Variants in ROBO2 observed in about 807,000 individuals in gnomAD.
The protein encoded by ROBO2 is roundabout homolog 2.
A neutral mutation model predicts 160.8 loss-of-function variants in ROBO2; 53 were observed. The ratio of observed to expected loss-of-function variants is 0.33; its 90% CI spans 0.26 to 0.41. The LOEUF is 0.41. Among genes scored for constraint, ROBO2 ranks in the 10% least tolerant of loss-of-function variants. The pLI is 1.00. For synonymous variants in ROBO2, 664 were observed against 611.7 expected, an observed-to-expected ratio of 1.09 and a Z score of -1.26; for missense variants, 1,577 against 1,722.4, an observed-to-expected ratio of 0.92 and a Z score of 1.49.
rs2151092447 is a variant in ROBO2, at chr3:77,210,651, A to G, written c.388+112311A>G. Among the ~76,000 whole-genome samples, 2 of 152,270 alleles carry G rather than the reference A, an allele frequency of 1.3e-5. 1 individual carries two copies. The highest frequency in any genetic ancestry group is 4.1e-4 in the South Asian group (2 of 4,820). On this transcript the variant is annotated intron_variant, in intron 2 of 25. Coordinates refer to ENST00000461745, the Ensembl canonical transcript of ROBO2. ...TGTGCACAACGTGCAGGTTTGTTACATATGTATACATGTGCCATGTTGGTG... is the reference window on the plus strand; with the variant it reads ...TGTGCACAACGTGCAGGTTTGTTACGTATGTATACATGTGCCATGTTGGTG...
chr3:76,407,708 T>C (rs1271919974), intron 2 of ROBO2, among the ~76,000 whole-genome samples: 3 of 152,054 alleles, frequency 2.0e-5, no homozygotes, highest in Non-Finnish European at 2.9e-5. Flanking sequence ...TTTAATTATT[T>C]TTTTCTTCAT....
At chr3:76,803,487 G>A (rs980365197) in intron 2 of ROBO2, among the ~76,000 whole-genome samples, 1 of 149,204 alleles carries the variant, frequency 6.7e-6, no homozygotes, top group African/African-American at 2.5e-5. Context: ...GAGGGAGGGA[G>A]GGAGAGAGGA....
intron 2 of ROBO2, among the ~76,000 whole-genome samples, chr3:76,515,684 T>G (rs2081316394): frequency 6.6e-6 from 1 of 152,184 alleles, no homozygotes; most frequent in Admixed American, 6.6e-5. Context: ...CACTGTGTTA[T>G]TTGTTATTAA....
In ROBO2 at chr3:77,640,096, C is replaced by CTTTTTTTTTTTTTTTT. The variant is rs1559785171; in HGVS notation, c.3935-4608_3935-4607insTTTTTTTTTTTTTTTT. Among the ~76,000 whole-genome samples, 21 of 97,470 alleles carry CTTTTTTTTTTTTTTTT rather than the reference C, an allele frequency of 2.2e-4. 2 individuals carry two copies. Among genetic ancestry groups the CTTTTTTTTTTTTTTTT allele is most frequent in the Admixed American group, 4.8e-4 (4 of 8,348 alleles). The allele number at this position is 97,470 out of a possible 152,430, so 63.9% of individuals were successfully genotyped here. A position where few individuals can be genotyped will look rare whatever the true frequency, so the allele number is the denominator to read the frequency against. On this transcript the variant is annotated intron_variant, in intron 24 of 25. Coordinates refer to ENST00000461745, the Ensembl canonical transcript of ROBO2. Reference sequence around the variant, plus strand: ...GAGAGAAGAAACACTGCAGAGGAAGCATTTTTTTTTTTTTTTTTTTTTTTT... The same window carrying CTTTTTTTTTTTTTTTT: ...GAGAGAAGAAACACTGCAGAGGAAGCTTTTTTTTTTTTTTTTATTTTTTTTTTTTTTTTTTTTTTTT...
At chr3:77,292,606 C>G (rs1267030410) in intron 2 of ROBO2, among the ~76,000 whole-genome samples, 1 of 144,782 alleles carries the variant, frequency 6.9e-6, no homozygotes, top group South Asian at 2.2e-4. Flanking sequence ...TCACCCCAGA[C>G]ATAAAGTAAA....
At chr3:76,621,131 C>A (rs2089041271) in intron 2 of ROBO2, among the ~76,000 whole-genome samples, 1 of 118,386 alleles carries the variant, frequency 8.4e-6, no homozygotes, top group Non-Finnish European at 1.9e-5. Context: ...TTAGTTTATG[C>A]TTTTTTTTTT....
chr3:76,170,112 A>G (rs1335730201), intron 2 of ROBO2, among the ~76,000 whole-genome samples: 3 of 152,080 alleles, frequency 2.0e-5, no homozygotes, highest in Non-Finnish European at 4.4e-5. Context: ...TTTTTTACTC[A>G]TTCCCACATA....
intron 2 of ROBO2, among the ~76,000 whole-genome samples, chr3:76,703,100 T>C (rs1031814222): frequency 6.6e-5 from 10 of 152,160 alleles, no homozygotes; most frequent in Non-Finnish European, 1.3e-4. Context: ...TGAAAATTCC[T>C]TCAGTATATA....
chr3:76,330,716 CG>C (rs1258889652), intron 2 of ROBO2, among the ~76,000 whole-genome samples: 1 of 152,112 alleles, frequency 6.6e-6, no homozygotes, highest in Admixed American at 6.5e-5. Flanking sequence ...TAGGTCTCAT[CG>C]ATTTGTTGTG....
At chr3:77,563,393 C>T (rs2093388607) in intron 11 of ROBO2, 64 bp downstream of exon 12, 22 of 1,421,868 alleles carry the variant, frequency 1.5e-5, no homozygotes, top group Non-Finnish European at 2.1e-5. Context: ...TAAAATGTCA[C>T]CTGAACTATC....
chr3:77,010,549 G>C (rs940544712), intron 2 of ROBO2, among the ~76,000 whole-genome samples: 10 of 151,990 alleles, frequency 6.6e-5, no homozygotes, highest in African/African-American at 2.4e-4. Flanking sequence ...CCAAATTATG[G>C]GCTCCTTCTC....
chr3:77,184,965 A>C (rs1170680517), intron 2 of ROBO2, among the ~76,000 whole-genome samples: 1 of 152,014 alleles, frequency 6.6e-6, no homozygotes, highest in Admixed American at 6.6e-5. Context: ...CTTCTTGATG[A>C]ATTCGTTGTA....
intron 19 of ROBO2, among the ~76,000 whole-genome samples, chr3:77,601,010 T>TAC (rs2094419066): frequency 6.6e-6 from 1 of 152,136 alleles, no homozygotes; most frequent in Non-Finnish European, 1.5e-5. Context: ...GCTCCAAACT[T>TAC]CAAAACCTTC....
chr3:77,184,124 A>T (rs1020044894), intron 2 of ROBO2, among the ~76,000 whole-genome samples: 4 of 152,038 alleles, frequency 2.6e-5, no homozygotes, highest in Non-Finnish European at 5.9e-5. Context: ...AAGGCTCTGG[A>T]GGTTTTCTTA....
At chr3:76,331,448 A>G (rs1292481088) in intron 2 of ROBO2, among the ~76,000 whole-genome samples, 1 of 151,976 alleles carries the variant, frequency 6.6e-6, no homozygotes, top group African/African-American at 2.4e-5. Context: ...CATTCCCATT[A>G]AATCTAATCT....
chr3:76,322,523 G>C (rs1328111792), intron 2 of ROBO2, among the ~76,000 whole-genome samples: 2 of 152,016 alleles, frequency 1.3e-5, no homozygotes, highest in African/African-American at 4.8e-5. Flanking sequence ...ATACATAAAA[G>C]TATGATTTTA....
At chr3:75,938,985 A>G (rs1947916869) in intron 2 of ROBO2, among the ~76,000 whole-genome samples, 1 of 152,176 alleles carries the variant, frequency 6.6e-6, no homozygotes, top group Non-Finnish European at 1.5e-5. Flanking sequence ...GACAGTAGCC[A>G]CGTTGGGTTT....
In ROBO2 at chr3:77,477,576, G is replaced by A. The variant is rs1247032342; in HGVS notation, c.546+5G>A. 1 of 1,613,502 alleles carries A rather than the reference G, an allele frequency of 6.2e-7. No individual in the cohort carries two copies. ...GACAAGGAAGAAAGAATAAGTGTGA[G>A]TTAAATTAAAATCATGGCCCAGAGA... On this transcript the variant is annotated splice_donor_5th_base_variant and intron_variant, in intron 3 of 25. Transcript: ENST00000461745.
chr3:75,969,135 A>G (rs1187907563), intron 2 of ROBO2, among the ~76,000 whole-genome samples: 1 of 148,598 alleles, frequency 6.7e-6, no homozygotes. Flanking sequence ...TGAATACTAT[A>G]TATATAATAT....
Sources: gnomAD v4.1 joint callset for allele counts (sites outside exome capture counted in the v4.1 genomes callset) on GRCh38, gnomAD v4.1.1 for gene constraint, MANE v1.5 for transcripts, NCBI Gene and HGNC (gene_info 2026-07-23, HGNC 2026-07-21) for gene names.